Variants in SLC25A21 observed in about 807,000 individuals in gnomAD.
SLC25A21 encodes mitochondrial 2-oxodicarboxylate carrier.
In SLC25A21, 47 loss-of-function variants were observed where a neutral mutation model predicts 43.8. The ratio of observed to expected loss-of-function variants is 1.07; its 90% CI spans 0.85 to 1.37. The LOEUF (loss-of-function observed/expected upper bound fraction) is 1.37, where lower values mean the gene tolerates loss of function less well. Ranked by LOEUF, SLC25A21 falls within the 40% of genes most tolerant of loss-of-function variation. SLC25A21 has a pLI of 0.00. For missense variants in SLC25A21, 352 were observed against 350.2 expected (o/e 1.00, Z -0.04); for synonymous variants, 131 against 121.3 (o/e 1.08, Z -0.52).
intron 2 of SLC25A21, among the ~76,000 whole-genome samples, chr14:36,848,787 C>T (rs554506561): frequency 9.5e-4 from 144 of 152,292 alleles, no homozygotes; most frequent in Middle Eastern, 3.4e-3. Context: ...CAAGCAGAAC[C>T]TCATTTCCTG....
chr14:36,775,060 T>C (rs1011157897), intron 3 of SLC25A21, among the ~76,000 whole-genome samples: 1 of 152,238 alleles, frequency 6.6e-6, no homozygotes, highest in African/African-American at 2.4e-5. Flanking sequence ...ATAATAACAG[T>C]AATTACACAC....
chr14:36,771,775 C>T (rs1306872597), intron 3 of SLC25A21, among the ~76,000 whole-genome samples: 1 of 151,606 alleles, frequency 6.6e-6, no homozygotes, highest in African/African-American at 2.4e-5. Flanking sequence ...AAACTACTGT[C>T]TCCATCATTT....
intron 1 of SLC25A21, among the ~76,000 whole-genome samples, chr14:37,110,542 TG>T (rs1962999681): frequency 6.6e-6 from 1 of 152,196 alleles, no homozygotes. Context: ...ATGAAGGCAC[TG>T]CCTGCTTGGA....
intron 1 of SLC25A21, among the ~76,000 whole-genome samples, chr14:36,946,246 T>A (rs1018646007): frequency 2.9e-4 from 44 of 152,124 alleles, no homozygotes; most frequent in African/African-American, 1.0e-3. Context: ...TAAAATACAA[T>A]GTTAAAAGCT....
At chr14:36,709,490 A>G (rs1440856801) in intron 7 of SLC25A21, among the ~76,000 whole-genome samples, 1 of 152,212 alleles carries the variant, frequency 6.6e-6, no homozygotes, top group Non-Finnish European at 1.5e-5. Flanking sequence ...ACAAGAGAAG[A>G]GCTCTGAGGG....
intron 2 of SLC25A21, among the ~76,000 whole-genome samples, chr14:36,837,305 G>A (rs962625970): frequency 2.0e-5 from 3 of 152,126 alleles, no homozygotes; most frequent in African/African-American, 7.2e-5. Context: ...CAAGTGCAGT[G>A]AGAAGGGAGT....
At chr14:36,929,867 T>A (rs111513937) in intron 1 of SLC25A21, among the ~76,000 whole-genome samples, 1 of 152,128 alleles carries the variant, frequency 6.6e-6, no homozygotes, top group African/African-American at 2.4e-5. Context: ...ACTGTTTTGA[T>A]GAATAGAAAA....
intron 7 of SLC25A21, among the ~76,000 whole-genome samples, chr14:36,698,696 T>A (rs1294532156): frequency 6.6e-6 from 1 of 152,196 alleles, no homozygotes; most frequent in Non-Finnish European, 1.5e-5. Flanking sequence ...TTTCTTCCAC[T>A]TGATCGAATT....
chr14:37,132,978 C>T (rs938438633), intron 1 of SLC25A21, among the ~76,000 whole-genome samples: 6 of 152,246 alleles, frequency 3.9e-5, no homozygotes, highest in Admixed American at 2.0e-4. Flanking sequence ...AATCCTCCCG[C>T]ATCAGCCTCC....
chr14:36,719,702 A>G (rs1271475669), intron 6 of SLC25A21, among the ~76,000 whole-genome samples: 2 of 152,232 alleles, frequency 1.3e-5, no homozygotes, highest in Non-Finnish European at 2.9e-5. Context: ...ACCTATTAAA[A>G]TATTTTATAC....
chr14:36,793,712 A>G (rs1321581828), intron 3 of SLC25A21, among the ~76,000 whole-genome samples: 2 of 152,138 alleles, frequency 1.3e-5, no homozygotes, highest in African/African-American at 2.4e-5. Context: ...ATCCACGTGC[A>G]GTTTCCATAG....
intron 1 of SLC25A21, among the ~76,000 whole-genome samples, chr14:36,926,202 C>T (rs572198679): frequency 3.3e-5 from 5 of 152,116 alleles, no homozygotes; most frequent in African/African-American, 1.2e-4. Flanking sequence ...CAATAGTAGA[C>T]AAAAATGATC....
chr14:37,068,002 C>T (rs1962095295), intron 1 of SLC25A21, among the ~76,000 whole-genome samples: 1 of 152,258 alleles, frequency 6.6e-6, no homozygotes, highest in Non-Finnish European at 1.5e-5. Context: ...TGTCCTACAA[C>T]AGCAAAGCTG....
At position 36,901,694 on chromosome 14, in the gene SLC25A21, C is replaced by A. The variant is rs537043030; in HGVS notation, c.71-26690G>T. Among the ~76,000 whole-genome samples, 8 of 152,222 alleles carry A rather than the reference C, an allele frequency of 5.3e-5. No individual in the cohort carries two copies. In the South Asian group the frequency reaches 1.7e-3, roughly 32 times the overall value. ...AACAAATAACAGGGCATTTGCAGTA[C>A]TTAAACTGAATCCATAATATAGAAT... On this transcript the variant is annotated intron_variant, in intron 1 of 9. Transcript: ENST00000331299.
At chr14:36,708,584 C>T (rs1404444428) in intron 7 of SLC25A21, among the ~76,000 whole-genome samples, 1 of 152,138 alleles carries the variant, frequency 6.6e-6, no homozygotes, top group Non-Finnish European at 1.5e-5. Flanking sequence ...ACCACAGGCA[C>T]TCACCACAGC....
chr14:37,025,060 T>TA (rs972464777), intron 1 of SLC25A21, among the ~76,000 whole-genome samples: 2 of 151,242 alleles, frequency 1.3e-5, no homozygotes, highest in Admixed American at 6.6e-5. Flanking sequence ...AGTATCTTTT[T>TA]AAAAAAAAAT....
intron 1 of SLC25A21, among the ~76,000 whole-genome samples, chr14:37,136,739 T>C (rs1385136562): frequency 6.6e-6 from 1 of 152,072 alleles, no homozygotes; most frequent in Non-Finnish European, 1.5e-5. Context: ...AAAAATGAGC[T>C]ATTAAGCAAC....
intron 7 of SLC25A21, among the ~76,000 whole-genome samples, chr14:36,701,556 T>A (rs1883277743): frequency 6.6e-6 from 1 of 152,150 alleles, no homozygotes; most frequent in Non-Finnish European, 1.5e-5. Context: ...ATTTTAAAGG[T>A]TTTACCCACT....
intron 1 of SLC25A21, among the ~76,000 whole-genome samples, chr14:37,054,168 C>T (rs974216309): frequency 1.9e-4 from 29 of 152,138 alleles, no homozygotes; most frequent in African/African-American, 6.8e-4. Context: ...TGTGGAAGAC[C>T]TGAGCTGTCC....
Sources: allele counts gnomAD v4.1 joint callset (sites outside exome capture counted in the v4.1 genomes callset), GRCh38; gene constraint gnomAD v4.1.1; transcripts MANE v1.5; gene names NCBI Gene and HGNC (gene_info 2026-07-23, HGNC 2026-07-21).